C8orf34: variants seen among roughly 807,000 people sequenced by gnomAD.
The protein encoded by C8orf34 is uncharacterized protein C8orf34.
In C8orf34, 65 loss-of-function variants were observed where a neutral mutation model predicts 68.3. The observed-to-expected ratio is 0.95, with a 90% CI of 0.78 to 1.17. The LOEUF (loss-of-function observed/expected upper bound fraction) is 1.17. C8orf34 is among the 50% of genes most tolerant of loss of function. The pLI, the probability that C8orf34 is intolerant of heterozygous loss-of-function variation, is 0.00. For missense variants in C8orf34, 664 were observed against 655.4 expected, an observed-to-expected ratio of 1.01 and a Z score of -0.14; for synonymous variants, 244 against 241.2, an observed-to-expected ratio of 1.01 and a Z score of -0.11.
At chr8:68,344,524 G>A (rs1351563284) in intron 1 of C8orf34, among the ~76,000 whole-genome samples, 2 of 151,978 alleles carry the variant, frequency 1.3e-5, no homozygotes, top group Non-Finnish European at 2.9e-5. Flanking sequence ...CTATAGTTTT[G>A]CAAAATATTA....
At chr8:68,768,624 T>TG (rs1823249380) in intron 10 of C8orf34, among the ~76,000 whole-genome samples, 1 of 152,198 alleles carries the variant, frequency 6.6e-6, no homozygotes, top group Admixed American at 6.6e-5. Context: ...ATTACATGCA[T>TG]GGTAGTCTCA....
chr8:68,805,799 CATTT>C (rs1398448185), intron 12 of C8orf34, among the ~76,000 whole-genome samples: 1 of 152,086 alleles, frequency 6.6e-6, no homozygotes, highest in Non-Finnish European at 1.5e-5. Flanking sequence ...CTGTTTAACT[CATTT>C]AGTTTACTTG....
At chr8:68,640,928 T>C (rs1818987866) in intron 8 of C8orf34, among the ~76,000 whole-genome samples, 3 of 152,214 alleles carry the variant, frequency 2.0e-5, no homozygotes, top group Non-Finnish European at 2.9e-5. Context: ...CCTGTTCACC[T>C]CCTGGAAAGA....
intron 7 of C8orf34, among the ~76,000 whole-genome samples, chr8:68,620,642 C>A (rs1818359751): frequency 6.8e-6 from 1 of 147,282 alleles, no homozygotes. Flanking sequence ...GATTTTGAAC[C>A]TAAATTCAAC....
intron 5 of C8orf34, among the ~76,000 whole-genome samples, chr8:68,517,312 G>C (rs996930926): frequency 9.9e-5 from 15 of 152,042 alleles, no homozygotes; most frequent in African/African-American, 3.4e-4. Context: ...GTGTAAAAAG[G>C]CTATATTCAA....
chr8:68,505,449 G>GACT (rs1261007912), intron 5 of C8orf34, among the ~76,000 whole-genome samples: 5 of 139,050 alleles, frequency 3.6e-5, no homozygotes, highest in Admixed American at 6.8e-5. Context: ...TGAGCAACAT[G>GACT]GGCCGGGCGC....
At chr8:68,778,846 A>T (rs914944748) in intron 11 of C8orf34, among the ~76,000 whole-genome samples, 1 of 152,192 alleles carries the variant, frequency 6.6e-6, no homozygotes, top group Non-Finnish European at 1.5e-5. Context: ...AATCTGGATT[A>T]TCATAATTTT....
At chr8:68,766,144 A>G (rs1036581761) in intron 10 of C8orf34, among the ~76,000 whole-genome samples, 1 of 152,212 alleles carries the variant, frequency 6.6e-6, no homozygotes, top group Non-Finnish European at 1.5e-5. Flanking sequence ...TGAAAAATCA[A>G]TCACTTTTTT....
intron 8 of C8orf34, among the ~76,000 whole-genome samples, chr8:68,661,462 A>G (rs1454926894): frequency 6.6e-6 from 1 of 152,224 alleles, no homozygotes. Context: ...AGAATTAGGC[A>G]TGCAGACACT....
At position 68,552,990 on chromosome 8, in the gene C8orf34, C is replaced by T. The variant is rs901105353; in HGVS notation, c.1105+19841C>T. On this transcript the variant is annotated intron_variant, in intron 7 of 13. Transcript: ENST00000518698. ...GTTTTGTTGAGGACTTTTGTATCTA[C>T]GTCTATAAGAGATATTGTTGTTTTG... 6.6e-5 allele frequency among the ~76,000 whole-genome samples: 10 copies of T among 152,074 alleles called. No individual in the cohort carries two copies. In the East Asian group the frequency reaches 7.7e-4, roughly 12 times the overall value.
intron 8 of C8orf34, among the ~76,000 whole-genome samples, chr8:68,694,968 G>A (rs2130917286): frequency 6.6e-6 from 1 of 151,892 alleles, no homozygotes. Context: ...ATTTAATATT[G>A]GATCATTCAA....
chr8:68,468,598 A>T (rs759558513), intron 3 of C8orf34, 94 bp from the exon 4 acceptor site: 3 of 1,258,350 alleles, frequency 2.4e-6, no homozygotes, highest in Non-Finnish European at 3.3e-6. Flanking sequence ...TATTCTATAC[A>T]TTGATCTTGG....
At chr8:68,651,042 T>C (rs1181201639) in intron 8 of C8orf34, among the ~76,000 whole-genome samples, 1 of 152,114 alleles carries the variant, frequency 6.6e-6, no homozygotes, top group Non-Finnish European at 1.5e-5. Context: ...GAAGCCTTGC[T>C]GAGGACTCCT....
chr8:68,463,714 A>C (rs1469994694), intron 3 of C8orf34, among the ~76,000 whole-genome samples: 1 of 152,234 alleles, frequency 6.6e-6, no homozygotes, highest in African/African-American at 2.4e-5. Flanking sequence ...CAATAGATGC[A>C]GAAAAGGCCT....
intron 7 of C8orf34, among the ~76,000 whole-genome samples, chr8:68,599,397 A>G (rs1362926672): frequency 6.6e-6 from 1 of 152,082 alleles, no homozygotes. Flanking sequence ...ATCTTAGCCG[A>G]AAGTAATCTT....
chr8:68,542,199 G>A (rs1815725542), intron 7 of C8orf34, among the ~76,000 whole-genome samples: 1 of 152,198 alleles, frequency 6.6e-6, no homozygotes, highest in Non-Finnish European at 1.5e-5. Flanking sequence ...CCAACTTACA[G>A]TGGGAATGGA....
chr8:68,752,827 T>C (rs1346920078), intron 10 of C8orf34, among the ~76,000 whole-genome samples: 2 of 152,200 alleles, frequency 1.3e-5, no homozygotes, highest in Non-Finnish European at 2.9e-5. Flanking sequence ...CTATACTTCA[T>C]AGATCAGAGA....
chr8:68,405,074 G>A (rs1451152237), intron 1 of C8orf34, among the ~76,000 whole-genome samples: 1 of 152,028 alleles, frequency 6.6e-6, no homozygotes, highest in Non-Finnish European at 1.5e-5. Context: ...CCTTGAAGAG[G>A]TCCTTCACAT....
At chr8:68,637,664 T>C (rs1427187100) in intron 7 of C8orf34, among the ~76,000 whole-genome samples, 2 of 152,178 alleles carry the variant, frequency 1.3e-5, no homozygotes, top group South Asian at 2.1e-4. Flanking sequence ...CATCCTCCTA[T>C]GAAGGCTGTT....
Sources: allele counts gnomAD v4.1 joint callset (sites outside exome capture counted in the v4.1 genomes callset), GRCh38; gene constraint gnomAD v4.1.1; transcripts MANE v1.5; gene names NCBI Gene and HGNC (gene_info 2026-07-23, HGNC 2026-07-21).